The following PTPRS variants were observed in gnomAD, a reference collection of about 807,000 sequenced individuals.
PTPRS encodes receptor-type tyrosine-protein phosphatase S.
PTPRS carries 63 observed loss-of-function variants against 215.3 expected under a neutral mutation model. The observed-to-expected ratio is 0.29, with a 90% CI of 0.24 to 0.36. PTPRS has a LOEUF of 0.36. Ranked by LOEUF, PTPRS falls within the 10% of genes least tolerant of loss-of-function variation. PTPRS has a pLI of 1.00. For missense variants in PTPRS, 2,258 were observed against 2,825.8 expected (o/e 0.80, Z 4.56); for synonymous variants, 1,404 against 1,191.4 (o/e 1.18, Z -3.68).
chr19:5,274,115 C>T (rs2047155555), intron 3 of PTPRS, 84 bp downstream of exon 3: 2 of 1,522,834 alleles, frequency 1.3e-6, no homozygotes, highest in Non-Finnish European at 1.8e-6. Context: ...GGAACGTGTC[C>T]ACGAAGTCCA....
At chr19:5,208,443 G>GT in intron 35 of PTPRS, 52 bp from the exon 36 acceptor site, 11 of 1,421,444 alleles carry the variant, frequency 7.7e-6, no homozygotes, top group Non-Finnish European at 1.0e-5. Flanking sequence ...GGCCATGGGG[G>GT]TTTTTCTCCA....
In PTPRS at chr19:5,260,742, C is replaced by T. The variant is rs2045923825; in HGVS notation, c.595+63G>A. The T allele has an allele frequency of 3.7e-6, 6 of 1,600,460 alleles. No individual in the cohort carries two copies. The African/African-American group carries it at 8.0e-5, about 21-fold the overall frequency. On this transcript the variant is annotated intron_variant, in intron 7 of 37. Transcript: ENST00000262963. ...GGCCTGGGGGCAGGCCCTGTGGAGC[C>T]TGAGGGGCTGAGTGGGCAGCAAGAG... is the stretch of plus-strand genomic sequence containing the variant.
At chr19:5,263,496 G>A (rs956074654) in intron 5 of PTPRS, among the ~76,000 whole-genome samples, 14 of 152,154 alleles carry the variant, frequency 9.2e-5, no homozygotes, top group African/African-American at 2.4e-4. Context: ...TGCTGCAAAG[G>A]GGGCTCCGTG....
rs1030873260 is a variant in PTPRS at position 5,254,282 on chromosome 19, T to C, written c.718+1826A>G. ...GCCAACTTGGTCCAGGATTTAATAA[T>C]TGGTAAGTTTGGAGAAGGTGAGTGA... On this transcript the variant is annotated intron_variant, in intron 9 of 37. Transcript: ENST00000262963. 1.2e-4 allele frequency among the ~76,000 whole-genome samples: 18 copies of C among 152,256 alleles called. 3 individuals are homozygous for C. Among genetic ancestry groups the C allele is most frequent in the Admixed American group, 4.6e-4 (7 of 15,290 alleles).
At chr19:5,226,993 G>C (rs1251272685) in intron 16 of PTPRS, among the ~76,000 whole-genome samples, 2 of 151,936 alleles carry the variant, frequency 1.3e-5, no homozygotes, top group African/African-American at 4.8e-5. Context: ...CCATGGAAAC[G>C]GTCCAATGCT....
At chr19:5,298,175 A>G (rs2049197397) in intron 1 of PTPRS, among the ~76,000 whole-genome samples, 1 of 152,152 alleles carries the variant, frequency 6.6e-6, no homozygotes, top group Non-Finnish European at 1.5e-5. Context: ...ACCATGTTCC[A>G]GTGTCCGGGT....
intron 8 of PTPRS, among the ~76,000 whole-genome samples, chr19:5,256,849 AG>A (rs2045592257): frequency 6.6e-6 from 1 of 151,986 alleles, no homozygotes; most frequent in Non-Finnish European, 1.5e-5. Flanking sequence ...TGTGGATGGT[AG>A]GGACGAAGGT....
chr19:5,240,341 G>A lies in PTPRS; in HGVS notation c.1571-9C>T. The stretch of plus-strand genomic sequence containing the variant: ...CATGGGCTGGCCCGGCACTGTGGGG[G>A]TGCAGGGAGACAACTAGGAGTCGGG... On this transcript the variant is annotated splice_polypyrimidine_tract_variant and intron_variant, in intron 11 of 37. Coordinates refer to ENST00000262963, the MANE Select transcript of PTPRS (RefSeq NM_002850.4). 1 of 1,579,506 alleles carries A rather than the reference G, an allele frequency of 6.3e-7. No homozygotes were observed. The highest frequency in any genetic ancestry group is 8.6e-7 in the Non-Finnish European group (1 of 1,163,812).
intron 21 of PTPRS, 40 bp from the exon 22 acceptor site, chr19:5,220,194 G>C (rs2041851829): frequency 6.2e-7 from 1 of 1,608,078 alleles, no homozygotes; most frequent in Non-Finnish European, 8.5e-7. Context: ...AGCTCAGCTG[G>C]GAGCAACAGA....
Position 5,256,988 on chromosome 19 carries a change from C to T in PTPRS, c.707-869G>A, listed in dbSNP as rs527242805. 3.9e-4 allele frequency among the ~76,000 whole-genome samples: 59 copies of T among 151,882 alleles called. 2 individuals are homozygous for T. The South Asian group carries it at 0.01, about 26-fold the overall frequency. On this transcript the variant is annotated intron_variant, in intron 8 of 37. Coordinates refer to ENST00000262963, the MANE Select transcript of PTPRS (RefSeq NM_002850.4). ...GGATGTGATTGAGTCAATTACACAG[C>T]GCTAACTGGGGCAGCCCTAGGGATT... is the stretch of plus-strand genomic sequence containing the variant.
Position 5,205,535 on chromosome 19 carries a change from C to T in PTPRS, c.*1239G>A, listed in dbSNP as rs1269076655. On this transcript the variant is annotated 3_prime_UTR_variant, in exon 38 of 38. Coordinates refer to ENST00000262963, the MANE Select transcript of PTPRS (RefSeq NM_002850.4). Reference sequence around the variant, plus strand: ...AGACGATCTTCCTTTAATACAAAGTCGATATATCTACATACACGGGGGTGG... The same window carrying T: ...AGACGATCTTCCTTTAATACAAAGTTGATATATCTACATACACGGGGGTGG... 3.9e-5 allele frequency among the ~76,000 whole-genome samples: 6 copies of T among 152,190 alleles called. No individual in the cohort carries two copies. The highest frequency in any genetic ancestry group is 6.5e-5 in the Admixed American group (1 of 15,278).
rs568163460 is a variant in PTPRS at position 5,294,870 on chromosome 19, C to G, written c.-94-8636G>C. 6.6e-6 allele frequency among the ~76,000 whole-genome samples: 1 copy of G among 152,310 alleles called. No individual in the cohort carries two copies. The highest frequency in any genetic ancestry group is 6.5e-5 in the Admixed American group (1 of 15,298). On this transcript the variant is annotated intron_variant, in intron 1 of 37. Transcript: ENST00000262963. This position sits in a 1 kb window ranked among gnomAD's most constrained non-coding sequence, Gnocchi z 5.1. The stretch of plus-strand genomic sequence containing the variant: ...CAGAGCACACAGGAGGTGCTAAACA[C>G]AGGATGCCGTGACGTCCCCCGTCCC...
rs149022837 is a variant in PTPRS, at chr19:5,244,376, G to C, written c.1095C>G (p.Ile365Met). 1 of 1,614,172 alleles carries C rather than the reference G, an allele frequency of 6.2e-7. No homozygotes were observed. The highest frequency in any genetic ancestry group is 8.5e-7 in the Non-Finnish European group (1 of 1,180,036). The stretch of plus-strand genomic sequence containing the variant: ...CGTCTTGGCTCTTGGATTTATATTC[G>C]ATGACGTAATAGGACACAGGATCTG... ...GNPDPVSYYVIEYKSKSQDGP... is the reference protein window; with the variant it reads ...GNPDPVSYYVMEYKSKSQDGP... The change falls in exon 11 of 38, where the codon ATC (isoleucine) becomes ATG (methionine). Residue 365 changes from isoleucine (I) to methionine (M), a missense_variant. Physicochemically the swap from Ile to Met is conservative, Grantham distance 10. Coordinates refer to ENST00000262963, the MANE Select transcript of PTPRS (RefSeq NM_002850.4). This position sits in a 1 kb window ranked among gnomAD's most constrained non-coding sequence, Gnocchi z 7.2.
chr19:5,278,508 C>T (rs2047583027), intron 2 of PTPRS, among the ~76,000 whole-genome samples: 1 of 152,002 alleles, frequency 6.6e-6, no homozygotes, highest in Non-Finnish European at 1.5e-5. Flanking sequence ...GGCAGGGTCT[C>T]ACTCCGTCAC....
At chr19:5,282,837 C>T (rs1023989798) in intron 2 of PTPRS, among the ~76,000 whole-genome samples, 2 of 151,718 alleles carry the variant, frequency 1.3e-5, no homozygotes, top group Non-Finnish European at 2.9e-5. Flanking sequence ...TTTGGTCACA[C>T]GGCGTGTGAT....
Position 5,212,041 on chromosome 19 carries a change from C to T in PTPRS, c.4979G>A (p.Ser1660Asn), listed in dbSNP as rs1224418622. Residue 1660 changes from serine to asparagine, a missense_variant, in exon 32 of 38, where the codon AGC becomes AAC. Transcript: ENST00000262963. ...GCGNTEVPAR[S>N]LYAYIQKLAQ... Reference sequence around the variant, plus strand: ...CAGCTTCTGGATGTAGGCATAGAGGCTGCGTGCGGGCACTTCTGTGTTGCC... The same window carrying T: ...CAGCTTCTGGATGTAGGCATAGAGGTTGCGTGCGGGCACTTCTGTGTTGCC... 1.9e-6 allele frequency: 3 copies of T among 1,613,892 alleles called. No individual in the cohort carries two copies. Among genetic ancestry groups the T allele is most frequent in the Non-Finnish European group, 2.5e-6 (3 of 1,180,046 alleles).
intron 1 of PTPRS, among the ~76,000 whole-genome samples, chr19:5,310,841 G>A (rs191453044): frequency 6.6e-6 from 1 of 152,170 alleles, no homozygotes; most frequent in Admixed American, 6.5e-5. Context: ...GAGTAGCTGG[G>A]ACTATAGGCT....
rs568471674 is a variant in PTPRS, at chr19:5,212,324, G to A, written c.4769+13C>T. 5 of 1,613,228 alleles carry A rather than the reference G, an allele frequency of 3.1e-6. No individual in the cohort carries two copies. Among genetic ancestry groups the A allele is most frequent in the African/African-American group, 2.7e-5 (2 of 75,056 alleles). On this transcript the variant is annotated intron_variant, in intron 31 of 37. Coordinates refer to ENST00000262963, the MANE Select transcript of PTPRS (RefSeq NM_002850.4). Reference sequence around the variant, plus strand: ...CGGGGGGAAGCGGATGGGGCAGAGTGGGGTGGACGTACCTGCAGTGAACCA... The same window carrying A: ...CGGGGGGAAGCGGATGGGGCAGAGTAGGGTGGACGTACCTGCAGTGAACCA...
At chr19:5,225,641 G>T in intron 17 of PTPRS, 86 bp downstream of exon 17, 3 of 1,182,028 alleles carry the variant, frequency 2.5e-6, no homozygotes, top group Non-Finnish European at 3.8e-6. Flanking sequence ...GCCTGCCCTT[G>T]TGAGCTCAAG....
Sources: allele counts gnomAD v4.1 joint callset (sites outside exome capture counted in the v4.1 genomes callset), GRCh38; gene constraint gnomAD v4.1.1; non-coding constraint Gnocchi (gnomAD v3.1); transcripts MANE v1.5; gene names NCBI Gene and HGNC (gene_info 2026-07-23, HGNC 2026-07-21).